Variants in ABLIM1 observed in about 807,000 individuals in gnomAD.
The protein encoded by ABLIM1 is actin binding LIM protein 1, also known as actin-binding LIM protein 1.
Under a neutral mutation model 107.0 loss-of-function variants are expected in ABLIM1, and 40 were observed. The ratio of observed to expected loss-of-function variants is 0.37; its 90% confidence interval spans 0.29 to 0.49. The LOEUF (loss-of-function observed/expected upper bound fraction) is 0.49, where lower values mean the gene tolerates loss of function less well. ABLIM1 is among the 20% of genes least tolerant of loss of function. The pLI is 0.97. For missense variants in ABLIM1, 857 were observed against 1,008.5 expected (o/e 0.85, Z 2.04); for synonymous variants, 357 against 357.3 (o/e 1.00, Z 0.01).
At chr10:114,483,061 G>A (rs1257860484) in intron 8 of ABLIM1, among the ~76,000 whole-genome samples, 1 of 152,176 alleles carries the variant, frequency 6.6e-6, no homozygotes, top group African/African-American at 2.4e-5. Flanking sequence ...GGATTCATGT[G>A]ACTTTGACTT....
chr10:114,605,531 A>C (rs2076350028), intron 1 of ABLIM1, among the ~76,000 whole-genome samples: 1 of 152,178 alleles, frequency 6.6e-6, no homozygotes, highest in Admixed American at 6.5e-5. Context: ...AGGCATACTT[A>C]GCACTCAGGC....
At chr10:114,689,518 C>T (rs555322276), upstream of ABLIM1, among the ~76,000 whole-genome samples, 85 of 151,952 alleles carry the variant, frequency 5.6e-4, 1 homozygote, top group Admixed American at 2.2e-3. Context: ...TGCACCACCA[C>T]TCCCAGCTAA....
chr10:114,571,431 C>T, intron 3 of ABLIM1, 25 bp from the exon 4 acceptor site: 1 of 1,602,634 alleles, frequency 6.2e-7, no homozygotes, highest in Non-Finnish European at 8.6e-7. Context: ...ACATCGCCCT[C>T]AAGGTTATTG....
In ABLIM1 at chr10:114,456,924, GTT is replaced by G. The variant is rs60405111; in HGVS notation, c.1442-3443_1442-3442del. ...TCAGCAAACATTCACCTCTCTAGTT[GTT>G]TTTTTTTTAAAAAAAAAAAAAAAAC... On this transcript the variant is annotated intron_variant, in intron 12 of 22. Transcript: ENST00000533213. Among the ~76,000 whole-genome samples, 29 of 109,006 alleles carry G rather than the reference GTT, an allele frequency of 2.7e-4. 1 individual carries two copies. The highest frequency in any genetic ancestry group is 7.9e-4 in the African/African-American group (21 of 26,534). 71.5% of individuals were successfully genotyped at this position (109,006 alleles called of 152,430 possible).
chr10:114,466,012 T>C (rs2065071540), intron 11 of ABLIM1, among the ~76,000 whole-genome samples, 185 bp from the exon 12 acceptor site: 1 of 152,230 alleles, frequency 6.6e-6, no homozygotes, highest in African/African-American at 2.4e-5. Context: ...GGCTAATATA[T>C]TTTGTTCAAA....
intron 7 of ABLIM1, among the ~76,000 whole-genome samples, chr10:114,490,867 C>T (rs7079064): frequency 0.011 from 1,715 of 149,462 alleles, 32 homozygotes; most frequent in African/African-American, 0.04. Context: ...CGGGGTCTCG[C>T]TATATTGCCC....
At chr10:114,474,116 G>A (rs1368816991) in intron 8 of ABLIM1, among the ~76,000 whole-genome samples, 160 bp from the exon 9 acceptor site, 1 of 152,192 alleles carries the variant, frequency 6.6e-6, no homozygotes, top group Non-Finnish European at 1.5e-5. Context: ...AAAGGTAAAT[G>A]CAAACTAGTT....
At chr10:114,499,792 G>A (rs1172506122) in intron 6 of ABLIM1, among the ~76,000 whole-genome samples, 1 of 152,182 alleles carries the variant, frequency 6.6e-6, no homozygotes, top group Non-Finnish European at 1.5e-5. Flanking sequence ...GAAGGGAGAG[G>A]CAGAATCACG....
chr10:114,638,789 AC>A (rs2078603069), intron 1 of ABLIM1, among the ~76,000 whole-genome samples: 1 of 152,108 alleles, frequency 6.6e-6, no homozygotes, highest in African/African-American at 2.4e-5. Flanking sequence ...TTTTCCAGAT[AC>A]CTTATCCTTC....
chr10:114,575,038 T>G (rs1214308136), intron 3 of ABLIM1, among the ~76,000 whole-genome samples: 1 of 152,170 alleles, frequency 6.6e-6, no homozygotes, highest in Non-Finnish European at 1.5e-5. Context: ...CCGCCTATTA[T>G]AGATGAAAGA....
chr10:114,615,443 G>A (rs534397147), intron 1 of ABLIM1: 3 of 384,566 alleles, frequency 7.8e-6, no homozygotes, highest in African/African-American at 6.1e-5. Context: ...GAACTACCTT[G>A]TTAAAGGCAG....
At chr10:114,723,782 C>A (rs2081900954) in intron 1 of ABLIM1, among the ~76,000 whole-genome samples, 1 of 148,720 alleles carries the variant, frequency 6.7e-6, no homozygotes, top group African/African-American at 2.4e-5. Context: ...TCTTTTGTAC[C>A]TCTTTATATT....
intron 1 of ABLIM1, among the ~76,000 whole-genome samples, chr10:114,735,511 C>G (rs565152551): frequency 2.0e-4 from 30 of 152,304 alleles, no homozygotes; most frequent in African/African-American, 6.7e-4. Context: ...CGCTCTGTCA[C>G]CAGGCTGGAG....
At chr10:114,613,603 T>C in intron 1 of ABLIM1, 1 of 1,151,604 alleles carries the variant, frequency 8.7e-7, no homozygotes, top group Non-Finnish European at 1.2e-6. Context: ...GAACCCTTTC[T>C]GAAAAGGCAC....
At chr10:114,714,995 A>T (rs1157740653) in intron 1 of ABLIM1, among the ~76,000 whole-genome samples, 1 of 152,180 alleles carries the variant, frequency 6.6e-6, no homozygotes, top group Non-Finnish European at 1.5e-5. Context: ...AGCACTCTCA[A>T]AGGAAGAAGG....
At chr10:114,640,145 G>A (rs934196283) in intron 1 of ABLIM1, among the ~76,000 whole-genome samples, 9 of 152,190 alleles carry the variant, frequency 5.9e-5, no homozygotes, top group Non-Finnish European at 8.8e-5. Context: ...GGCAACTAGC[G>A]CTGTCTTCCT....
chr10:114,718,026 G>GGA lies in ABLIM1; in HGVS notation c.-213+50033_-213+50034dup, dbSNP rs1437915125. Among the ~76,000 whole-genome samples, 359 of 108,528 alleles carry GGA rather than the reference G, an allele frequency of 3.3e-3. 2 individuals carry two copies. Among genetic ancestry groups the GGA allele is most frequent in the East Asian group, 0.028 (100 of 3,626 alleles). 71.2% of individuals were successfully genotyped at this position (108,528 alleles called of 152,430 possible). A position where few individuals can be genotyped will look rare whatever the true frequency, so the allele number is the denominator to read the frequency against. ...AGGAAGGAAGGAAGGAAGGAAGGAAGGAAGGAGAAAGAGAAAGAGAAAGAA... is the reference window on the plus strand; with the variant it reads ...AGGAAGGAAGGAAGGAAGGAAGGAAGGAGAAGGAGAAAGAGAAAGAGAAAGAA... On this transcript the variant is annotated intron_variant, in intron 1 of 15. Coordinates refer to the ABLIM1 transcript ENST00000651092.
At chr10:114,557,208 C>T (rs189322122) in intron 4 of ABLIM1, among the ~76,000 whole-genome samples, 63 of 152,218 alleles carry the variant, frequency 4.1e-4, no homozygotes, top group African/African-American at 1.4e-3. Context: ...TGAACTAGAC[C>T]GTGCATAATC....
intron 4 of ABLIM1, among the ~76,000 whole-genome samples, chr10:114,556,072 C>T (rs937608151): frequency 2.6e-5 from 4 of 151,396 alleles, no homozygotes; most frequent in African/African-American, 9.7e-5. Flanking sequence ...CTAAGGAGCT[C>T]CAAGAAAAAA....
Sources: allele counts gnomAD v4.1 joint callset (sites outside exome capture counted in the v4.1 genomes callset), GRCh38; gene constraint gnomAD v4.1.1; transcripts MANE v1.5; gene names NCBI Gene and HGNC (gene_info 2026-07-23, HGNC 2026-07-21).